DLK2: variants seen among roughly 807,000 people sequenced by gnomAD.
DLK2 encodes protein delta homolog 2.
Under a neutral mutation model 31.3 loss-of-function variants are expected in DLK2, and 9 were observed. The ratio of observed to expected loss-of-function variants is 0.29; its 90% CI spans 0.17 to 0.50. The LOEUF (loss-of-function observed/expected upper bound fraction) is 0.50. Ranked by LOEUF, DLK2 falls within the 20% of genes least tolerant of loss-of-function variation. The probability of loss-of-function intolerance (pLI) is 0.98; values close to 1 mark genes in which losing one functional copy is unlikely to be tolerated. For synonymous variants in DLK2, 169 were observed against 201.2 expected, an observed-to-expected ratio of 0.84 and a Z score of 1.35; for missense variants, 387 against 526.1, an observed-to-expected ratio of 0.74 and a Z score of 2.59.
In DLK2 at chr6:43,450,511, G is replaced by A; in HGVS notation, c.*28C>T. On this transcript the variant is annotated 3_prime_UTR_variant, in exon 6 of 6. Coordinates refer to ENST00000372488, the MANE Select transcript of DLK2 (RefSeq NM_023932.4). The surrounding 1 kb of genome is among the most constrained non-coding windows in gnomAD (Gnocchi z 4.5). ...CAGTCTGAGGGGTGGAAGAGGTGAGGAAGGGGGCCAGAAAGCCCCCACCTC... is the reference window on the plus strand; with the variant it reads ...CAGTCTGAGGGGTGGAAGAGGTGAGAAAGGGGGCCAGAAAGCCCCCACCTC... 6.5e-7 allele frequency: 1 copy of A among 1,526,886 alleles called. No homozygotes were observed. Among genetic ancestry groups the A allele is most frequent in the Non-Finnish European group, 8.8e-7 (1 of 1,137,986 alleles). 94.6% of individuals were successfully genotyped at this position (1,526,886 alleles called of 1,614,324 possible).
chr6:43,453,154 G>T lies in DLK2; in HGVS notation c.141-19C>A. 6.3e-7 allele frequency: 1 copy of T among 1,584,100 alleles called. No individual in the cohort carries two copies. Among genetic ancestry groups the T allele is most frequent in the Non-Finnish European group, 8.6e-7 (1 of 1,160,376 alleles). On this transcript the variant is annotated intron_variant, in intron 3 of 5. Transcript: ENST00000372488. The surrounding 1 kb of genome is among the most constrained non-coding windows in gnomAD (Gnocchi z 4.1). ...GTCACACCTGACGGGGAGAAGCACA[G>T]GGTCAGGGCTCTGGGTCATGGATGT...
chr6:43,452,677 A>C (rs910173660), intron 4 of DLK2, among the ~76,000 whole-genome samples: 4 of 151,850 alleles, frequency 2.6e-5, no homozygotes, highest in African/African-American at 9.7e-5. Context: ...GCACCACTGC[A>C]CTCCAGCCTG....
At position 43,453,745 on chromosome 6, in the gene DLK2, C is replaced by T. The variant is rs905585989; in HGVS notation, c.141-610G>A. Reference sequence around the variant, plus strand: ...CAGAGGCTGCAGTGAGCTGAGATCGCGCCACTGCACTCCAGCCTTGGCAAC... The same window carrying T: ...CAGAGGCTGCAGTGAGCTGAGATCGTGCCACTGCACTCCAGCCTTGGCAAC... On this transcript the variant is annotated intron_variant, in intron 3 of 5. Transcript: ENST00000372488. This position sits in a 1 kb window ranked among gnomAD's most constrained non-coding sequence, Gnocchi z 4.1. Among the ~76,000 whole-genome samples the T allele has an allele frequency of 6.6e-6, 1 of 152,076 alleles. No homozygotes were observed. The highest frequency in any genetic ancestry group is 2.4e-5 in the African/African-American group (1 of 41,378).
chr6:43,455,192 G>A, intron 1 of DLK2: 2 of 691,552 alleles, frequency 2.9e-6, no homozygotes, highest in Non-Finnish European at 3.6e-6. Context: ...GCGCCGAGAG[G>A]CGGCCTCGAG....
chr6:43,455,073 G>A (rs1326543066), intron 1 of DLK2, 193 bp from the exon 2 acceptor site: 11 of 985,092 alleles, frequency 1.1e-5, no homozygotes, highest in Non-Finnish European at 1.3e-5. Flanking sequence ...GAACCCGGGA[G>A]CGGGGTCTGC....
At position 43,450,560 on chromosome 6, in the gene DLK2, A is replaced by G; in HGVS notation, c.1131T>C (p.Pro377=). 1 of 1,567,134 alleles carries G rather than the reference A, an allele frequency of 6.4e-7. No individual in the cohort carries two copies. The highest frequency in any genetic ancestry group is 8.7e-7 in the Non-Finnish European group (1 of 1,155,232). Residue 377 remains proline (P), a synonymous_variant, in exon 6 of 6, where the codon CCT becomes CCC. Coordinates refer to ENST00000372488, the MANE Select transcript of DLK2 (RefSeq NM_023932.4). This position sits in a 1 kb window ranked among gnomAD's most constrained non-coding sequence, Gnocchi z 4.5. ...TCCATCACAGTGCTGTGGTCTTTCCAGGCTCAGGGGGCAAGTCACGTGGCA... is the reference window on the plus strand; with the variant it reads ...TCCATCACAGTGCTGTGGTCTTTCCGGGCTCAGGGGGCAAGTCACGTGGCA... The part of the protein sequence containing the change: ...LPLPRDLPPE[P]GKTTAL
In DLK2 at chr6:43,450,934, C is replaced by A. The variant is rs746857782; in HGVS notation, c.757G>T (p.Val253Phe). The stretch of plus-strand genomic sequence containing the variant: ...TCCACTGTGGTTGGGGGGTCTGGGA[C>A]AGGTAAGACAAGCTCACAGGTCTTG... Reference protein sequence around the residue: ...GGKTCELVLPVPDPPTTVDTP... With the variant: ...GGKTCELVLPFPDPPTTVDTP... The change falls in exon 6 of 6, where the codon GTC becomes TTC. Residue 253 changes from valine (V) to phenylalanine (F), a missense_variant. Physicochemically the swap from Val to Phe is conservative, Grantham distance 50. Coordinates refer to ENST00000372488, the MANE Select transcript of DLK2 (RefSeq NM_023932.4). The surrounding 1 kb of genome is among the most constrained non-coding windows in gnomAD (Gnocchi z 4.5). The A allele has an allele frequency of 3.1e-6, 5 of 1,614,172 alleles. No homozygotes were observed. The highest frequency in any genetic ancestry group is 4.2e-6 in the Non-Finnish European group (5 of 1,180,028).
chr6:43,450,428 G>A lies in DLK2; in HGVS notation c.*111C>T. 8.2e-7 allele frequency: 1 copy of A among 1,226,778 alleles called. No homozygotes were observed. Among genetic ancestry groups the A allele is most frequent in the South Asian group, 1.7e-5 (1 of 58,010 alleles). The allele number at this position is 1,226,778 out of a possible 1,614,324, so 76.0% of individuals were successfully genotyped here. ...TAAAAAAATAATATTTCTGGTGTGA[G>A]GCTGAGGTCTCCTCTGTGTGTGTAC... On this transcript the variant is annotated 3_prime_UTR_variant, in exon 6 of 6. Coordinates refer to ENST00000372488, the MANE Select transcript of DLK2 (RefSeq NM_023932.4). The surrounding 1 kb of genome is among the most constrained non-coding windows in gnomAD (Gnocchi z 4.5).
rs1413978304 is a variant in DLK2, at chr6:43,450,848, G to A, written c.843C>T (p.Ser281=). The change falls in exon 6 of 6, where the codon AGC becomes AGT. Residue 281 remains serine, a synonymous_variant. Coordinates refer to ENST00000372488, the MANE Select transcript of DLK2 (RefSeq NM_023932.4). This position sits in a 1 kb window ranked among gnomAD's most constrained non-coding sequence, Gnocchi z 4.5. ...AGATCCGCAGCAGACCAGCCCCTGCGCTGTGGGGGGCTGGCCCCGTGGCAG... is the reference window on the plus strand; with the variant it reads ...AGATCCGCAGCAGACCAGCCCCTGCACTGTGGGGGGCTGGCCCCGTGGCAG... ...VVPATGPAPH[S]AGAGLLRISV... 15 of 1,614,186 alleles carry A rather than the reference G, an allele frequency of 9.3e-6. No homozygotes were observed. The highest frequency in any genetic ancestry group is 1.2e-5 in the Non-Finnish European group (14 of 1,180,022).
chr6:43,451,385 G>A lies in DLK2; in HGVS notation c.417-111C>T, dbSNP rs567869490. The A allele has an allele frequency of 2.0e-5, 27 of 1,350,566 alleles. No homozygotes were observed. Among genetic ancestry groups the A allele is most frequent in the Middle Eastern group, 1.9e-4 (1 of 5,192 alleles). The allele number at this position is 1,350,566 out of a possible 1,614,324, so 83.7% of individuals were successfully genotyped here. ...CATGTCATCTTGGGCTACACACTCC[G>A]AGCCTCAAATACCTCATTTTAAAAA... is the stretch of plus-strand genomic sequence containing the variant. On this transcript the variant is annotated intron_variant, in intron 5 of 5. Transcript: ENST00000372488. The surrounding 1 kb of genome is among the most constrained non-coding windows in gnomAD (Gnocchi z 4.4).
At chr6:43,455,638 A>AG (rs1783956338), upstream of DLK2, 2 of 27,842 alleles carry the variant, frequency 7.2e-5, no homozygotes, top group Non-Finnish European at 7.8e-5. Context: ...CCCCACCCCC[A>AG]TCCCCCCCCC....
In DLK2 at chr6:43,453,491, G is replaced by A. The variant is rs1274040279; in HGVS notation, c.141-356C>T. ...TGCTCACAAACATTTAAAGAAGAAT[G>A]ACCTTGAAAGGCCATCAGGGCCGGG... is the stretch of plus-strand genomic sequence containing the variant. On this transcript the variant is annotated intron_variant, in intron 3 of 5. Coordinates refer to ENST00000372488, the MANE Select transcript of DLK2 (RefSeq NM_023932.4). The surrounding 1 kb of genome is among the most constrained non-coding windows in gnomAD (Gnocchi z 4.1). Among the ~76,000 whole-genome samples, 1 of 152,204 alleles carries A rather than the reference G, an allele frequency of 6.6e-6. No homozygotes were observed. The highest frequency in any genetic ancestry group is 1.5e-5 in the Non-Finnish European group (1 of 68,038).
chr6:43,454,988 A>C (rs1783919974), intron 1 of DLK2, 108 bp from the exon 2 acceptor site: 10 of 1,079,830 alleles, frequency 9.3e-6, no homozygotes, highest in East Asian at 1.1e-4. Flanking sequence ...GGACAGAAGA[A>C]GGGGATGGGG....
At chr6:43,454,146 C>T (rs1271947923) in intron 3 of DLK2, among the ~76,000 whole-genome samples, 1 of 152,206 alleles carries the variant, frequency 6.6e-6, no homozygotes, top group Non-Finnish European at 1.5e-5. Flanking sequence ...CACCCAATCC[C>T]CAAGCTCTCT....
intron 4 of DLK2, among the ~76,000 whole-genome samples, chr6:43,452,731 A>C (rs570249189): frequency 1.3e-5 from 2 of 152,232 alleles, no homozygotes; most frequent in South Asian, 4.2e-4. Context: ...CAAACAAAAA[A>C]ACCTGACTTT....
chr6:43,450,882 ACAG>A lies in DLK2; in HGVS notation c.806_808del (p.Ala269del). On this transcript the variant is annotated inframe_deletion, in exon 6 of 6. Coordinates refer to ENST00000372488, the MANE Select transcript of DLK2 (RefSeq NM_023932.4). This position sits in a 1 kb window ranked among gnomAD's most constrained non-coding sequence, Gnocchi z 4.5. ...GGCTGGCCCCGTGGCAGGTACCACT[ACAG>A]CTGAGGTGGGCCCTAGAGGGGTGTC... 1 of 1,614,158 alleles carries A rather than the reference ACAG, an allele frequency of 6.2e-7. No homozygotes were observed. The highest frequency in any genetic ancestry group is 8.5e-7 in the Non-Finnish European group (1 of 1,179,998).
In DLK2 at chr6:43,453,988, C is replaced by T. The variant is rs1160418858; in HGVS notation, c.140+423G>A. On this transcript the variant is annotated intron_variant, in intron 3 of 5. Transcript: ENST00000372488. This position sits in a 1 kb window ranked among gnomAD's most constrained non-coding sequence, Gnocchi z 4.1. ...CCTCCTGCTACAGAATTTGCCCAAT[C>T]TCCCAGTGAGTCAACTACTCAAACT... Among the ~76,000 whole-genome samples the T allele has an allele frequency of 1.3e-5, 2 of 152,206 alleles. No individual in the cohort carries two copies. The highest frequency in any genetic ancestry group is 1.3e-4 in the Admixed American group (2 of 15,284).
At chr6:43,456,486 C>A (rs1783982742), upstream of DLK2, 1 of 152,186 alleles carries the variant, frequency 6.6e-6, no homozygotes, top group African/African-American at 2.4e-5. Context: ...GAGGCTGAGG[C>A]GGGCGGATCA....
In DLK2 at chr6:43,451,920, C is replaced by A; in HGVS notation, c.416+20G>T. On this transcript the variant is annotated intron_variant, in intron 5 of 5. Coordinates refer to ENST00000372488, the MANE Select transcript of DLK2 (RefSeq NM_023932.4). The surrounding 1 kb of genome is among the most constrained non-coding windows in gnomAD (Gnocchi z 4.4). ...GGTTCTGGTCTAACCTTCCACTCACCCTGAGGGCCCAGCACTCACCCTGCC... is the reference window on the plus strand; with the variant it reads ...GGTTCTGGTCTAACCTTCCACTCACACTGAGGGCCCAGCACTCACCCTGCC... The A allele has an allele frequency of 1.2e-6, 2 of 1,613,372 alleles. No individual in the cohort carries two copies. The highest frequency in any genetic ancestry group is 1.7e-6 in the Non-Finnish European group (2 of 1,179,770).
Sources: gnomAD v4.1 joint callset for allele counts (sites outside exome capture counted in the v4.1 genomes callset) on GRCh38, gnomAD v4.1.1 for gene constraint, Gnocchi (gnomAD v3.1) non-coding constraint, MANE v1.5 for transcripts, NCBI Gene and HGNC (gene_info 2026-07-23, HGNC 2026-07-21) for gene names.